PLOD1: variants seen among roughly 807,000 people sequenced by gnomAD.
PLOD1 encodes lysine hydroxylase.
PLOD1 carries 70 observed loss-of-function variants against 94.7 expected under a neutral mutation model. That is an observed-to-expected ratio of 0.74 (90% CI 0.61 to 0.90). The LOEUF is 0.90. Ranked by LOEUF, PLOD1 falls within the 40% of genes least tolerant of loss-of-function variation. The pLI is 0.00. For missense variants in PLOD1, 905 were observed against 972.7 expected (o/e 0.93, Z 0.93); for synonymous variants, 417 against 400.2 (o/e 1.04, Z -0.50).
At chr1:11,951,565 A>G (rs951602279) in intron 4 of PLOD1, among the ~76,000 whole-genome samples, 3 of 146,974 alleles carry the variant, frequency 2.0e-5, no homozygotes, top group Non-Finnish European at 4.5e-5. Flanking sequence ...TAAATAAAAA[A>G]TAATACTATA....
At chr1:11,939,272 A>G (rs368784534) in intron 1 of PLOD1, among the ~76,000 whole-genome samples, 1 of 152,062 alleles carries the variant, frequency 6.6e-6, no homozygotes, top group East Asian at 1.9e-4. Flanking sequence ...CGGGGAGGCT[A>G]AGGTTGGCTC....
chr1:11,954,563 CATT>C (rs766630070), intron 5 of PLOD1: 83 of 725,876 alleles, frequency 1.1e-4, no homozygotes, highest in African/African-American at 2.9e-4. Flanking sequence ...TAACGGCCGT[CATT>C]GTTGTAGGTG....
chr1:11,944,442 C>CACAT (rs1254424407), intron 1 of PLOD1: 5 of 906,462 alleles, frequency 5.5e-6, no homozygotes, highest in Admixed American at 4.7e-5. Flanking sequence ...CACACACACA[C>CACAT]ACACACACAC....
intron 4 of PLOD1, among the ~76,000 whole-genome samples, chr1:11,951,217 C>T (rs1181559632): frequency 6.6e-6 from 1 of 152,202 alleles, no homozygotes; most frequent in East Asian, 1.9e-4. Flanking sequence ...CCATTCCCTA[C>T]CCTCATGCCC....
chr1:11,967,640 T>TTATA lies in PLOD1; in HGVS notation c.1755+565_1755+568dup, dbSNP rs1258606958. ...AAAAAGAAATATATATAGATTTTAT[T>TTATA]TATATATATATATATATATTTTTTT... On this transcript the variant is annotated intron_variant, in intron 16 of 18. Transcript: ENST00000196061. Among the ~76,000 whole-genome samples, 109 of 111,758 alleles carry TTATA rather than the reference T, an allele frequency of 9.8e-4. 2 individuals carry two copies. Among genetic ancestry groups the TTATA allele is most frequent in the Non-Finnish European group, 1.6e-3 (95 of 57,608 alleles). The allele number at this position is 111,758 out of a possible 152,430, so 73.3% of individuals were successfully genotyped here. A position where few individuals can be genotyped will look rare whatever the true frequency, so the allele number is the denominator to read the frequency against.
chr1:11,936,997 G>A (rs1645583943), intron 1 of PLOD1, among the ~76,000 whole-genome samples: 1 of 151,884 alleles, frequency 6.6e-6, no homozygotes, highest in South Asian at 2.1e-4. Context: ...ACAGGCGGAT[G>A]CCACAACGCT....
In PLOD1 at chr1:11,952,632, G is replaced by A; in HGVS notation, c.476G>A (p.Gly159Asp). Residue 159 changes from glycine (G) to aspartate (D), a missense_variant, in exon 5 of 19, where the codon GGT (glycine) becomes GAT (aspartate). Transcript: ENST00000196061. The part of the protein sequence containing the change: ...KRFLGSGGFI[G>D]YAPNLSKLVA... ...ACCCACCAACCTTCAGGCTTCATCG[G>A]TTATGCCCCCAACCTCAGCAAACTG... The A allele has an allele frequency of 3.1e-6, 5 of 1,613,874 alleles. No individual in the cohort carries two copies. In the South Asian group the frequency reaches 4.4e-5, roughly 14 times the overall value.
chr1:11,948,181 G>A (rs1645670716), intron 2 of PLOD1, 114 bp downstream of exon 2: 5 of 790,502 alleles, frequency 6.3e-6, no homozygotes, highest in Non-Finnish European at 1.1e-5. Context: ...CCACAGGGGA[G>A]GCTTCTGGAA....
intron 5 of PLOD1, 34 bp downstream of exon 5, chr1:11,952,769 C>A: frequency 1.4e-6 from 2 of 1,469,924 alleles, no homozygotes; most frequent in Non-Finnish European, 1.9e-6. Flanking sequence ...GGAGAGGGGG[C>A]TGGGGATCCA....
chr1:11,954,177 TTTGGAGTAGCGGCCAGGTG>T, intron 5 of PLOD1: 4 of 127,684 alleles, frequency 3.1e-5, no homozygotes, highest in South Asian at 2.1e-4. Flanking sequence ...GTGTAGAATA[TTTGGAGTAGCGGCCAGGTG>T]CGGTGGCTCA....
chr1:11,966,991 GC>G lies in PLOD1; in HGVS notation c.1658del (p.Pro553ArgfsTer51). ...CTGAGTCCCTGCCCTCCCCAGCCCT[GC>G]CCGGATGTCTATTGGTTCCCCATCT... is the stretch of plus-strand genomic sequence containing the variant. The part of the protein sequence containing the change: ...ALAGKLVETP[C>X]PDVYWFPIFT... On this transcript the variant is annotated frameshift_variant, in exon 16 of 19. Coordinates refer to ENST00000196061, the MANE Select transcript of PLOD1 (RefSeq NM_000302.4). LOFTEE classifies it high-confidence loss of function. 1 of 1,609,426 alleles carries G rather than the reference GC, an allele frequency of 6.2e-7. No homozygotes were observed. The highest frequency in any genetic ancestry group is 8.5e-7 in the Non-Finnish European group (1 of 1,175,694).
chr1:11,957,712 T>TC lies in PLOD1; in HGVS notation c.742-128dup, dbSNP rs1569705777. The TC allele has an allele frequency of 1.3e-6, 1 of 779,438 alleles. No individual in the cohort carries two copies. Among genetic ancestry groups the TC allele is most frequent in the East Asian group, 2.4e-5 (1 of 41,146 alleles). The allele number at this position is 779,438 out of a possible 1,614,324, so 48.3% of individuals were successfully genotyped here. On this transcript the variant is annotated intron_variant, in intron 7 of 18. Transcript: ENST00000196061. This position sits in a 1 kb window ranked among gnomAD's most constrained non-coding sequence, Gnocchi z 4.1. Reference sequence around the variant, plus strand: ...GATCTCCTGGGGATGGAGCATTATCTCCAAGACCCTCTTAGGGAGTGGGAG... The same window carrying TC: ...GATCTCCTGGGGATGGAGCATTATCTCCCAAGACCCTCTTAGGGAGTGGGAG...
At chr1:11,945,094 C>T (rs757283664) in intron 1 of PLOD1, among the ~76,000 whole-genome samples, 3 of 152,172 alleles carry the variant, frequency 2.0e-5, no homozygotes, top group Admixed American at 6.5e-5. Context: ...ACGTCATTGT[C>T]ACTGGCCCTG....
intron 6 of PLOD1, among the ~76,000 whole-genome samples, chr1:11,956,316 G>A (rs907447759): frequency 3.3e-5 from 5 of 152,088 alleles, no homozygotes; most frequent in Admixed American, 1.3e-4. Flanking sequence ...CCTGGGAGGC[G>A]GAGGTTGCAG....
At chr1:11,974,128 TAA>T (rs900338011) in intron 18 of PLOD1, among the ~76,000 whole-genome samples, 4 of 151,964 alleles carry the variant, frequency 2.6e-5, no homozygotes, top group South Asian at 2.1e-4. Context: ...TCACAGTTAG[TAA>T]AGAGTGGAGG....
intron 1 of PLOD1, among the ~76,000 whole-genome samples, chr1:11,940,875 G>A (rs1488908117): frequency 6.6e-6 from 1 of 152,250 alleles, no homozygotes; most frequent in Non-Finnish European, 1.5e-5. Flanking sequence ...CGTGACTGCA[G>A]TTGGGTGCTT....
At chr1:11,947,252 A>AAAACAAAC (rs59526848) in intron 1 of PLOD1, among the ~76,000 whole-genome samples, 2 of 150,418 alleles carry the variant, frequency 1.3e-5, no homozygotes, top group African/African-American at 4.9e-5. Flanking sequence ...AAAAAAAACA[A>AAAACAAAC]AAACAAACAA....
intron 1 of PLOD1, among the ~76,000 whole-genome samples, chr1:11,936,555 C>T (rs1165792154): frequency 1.3e-5 from 2 of 151,952 alleles, no homozygotes; most frequent in Admixed American, 6.6e-5. Context: ...CAGTGTTTCA[C>T]TGTGTCCCCC....
chr1:11,962,274 C>CTTTTTTTT (rs780613164), intron 10 of PLOD1, among the ~76,000 whole-genome samples: 5 of 99,088 alleles, frequency 5.0e-5, no homozygotes, highest in African/African-American at 8.4e-5. Context: ...TTTTTGTTTT[C>CTTTTTTTT]TTTTTTTTTT....
Sources: allele counts gnomAD v4.1 joint callset (sites outside exome capture counted in the v4.1 genomes callset), GRCh38; gene constraint gnomAD v4.1.1; non-coding constraint Gnocchi (gnomAD v3.1); transcripts MANE v1.5; gene names NCBI Gene and HGNC (gene_info 2026-07-23, HGNC 2026-07-21).